Variants in HPSE2 observed in about 807,000 individuals in gnomAD.
HPSE2 encodes the protein heparanase 2 (inactive).
A neutral mutation model predicts 60.5 loss-of-function variants in HPSE2; 38 were observed. The ratio of observed to expected loss-of-function variants is 0.63; its 90% confidence interval spans 0.48 to 0.82. The LOEUF (loss-of-function observed/expected upper bound fraction) is 0.82, where lower values mean the gene tolerates loss of function less well. Among genes scored for constraint, HPSE2 ranks in the 40% least tolerant of loss-of-function variants. HPSE2 has a pLI of 0.00. For synonymous variants in HPSE2, 295 were observed against 293.2 expected, an observed-to-expected ratio of 1.01 and a Z score of -0.06; for missense variants, 713 against 740.4, an observed-to-expected ratio of 0.96 and a Z score of 0.43.
chr10:98,932,411 G>T (rs1373758638), intron 3 of HPSE2, among the ~76,000 whole-genome samples: 1 of 144,062 alleles, frequency 6.9e-6, no homozygotes, highest in Admixed American at 6.9e-5. Flanking sequence ...GTTCATCAAG[G>T]ATATTGGCCT....
At chr10:98,792,565 A>T (rs1255645710) in intron 3 of HPSE2, among the ~76,000 whole-genome samples, 3 of 151,676 alleles carry the variant, frequency 2.0e-5, no homozygotes, top group Non-Finnish European at 2.9e-5. Context: ...TGAAAACATC[A>T]TGTCTGCAAA....
intron 3 of HPSE2, among the ~76,000 whole-genome samples, chr10:98,849,834 T>G (rs990169944): frequency 6.6e-6 from 1 of 152,078 alleles, no homozygotes; most frequent in Non-Finnish European, 1.5e-5. Context: ...AACCTCCGCC[T>G]CCCAGGTTCA....
the HPSE2 span, among the ~76,000 whole-genome samples, chr10:99,305,723 A>G: frequency 6.6e-6 from 1 of 152,084 alleles, no homozygotes; most frequent in African/African-American, 2.4e-5. Context: ...TAAAATACCT[A>G]TGACTTATAT....
At chr10:99,012,431 C>CG (rs1273682359) in intron 3 of HPSE2, among the ~76,000 whole-genome samples, 59 of 146,510 alleles carry the variant, frequency 4.0e-4, no homozygotes, top group Admixed American at 1.1e-3. Context: ...TTTCCTTTTC[C>CG]TTTTTTTTTT....
chr10:99,152,969 C>A (rs1405598162), intron 2 of HPSE2, among the ~76,000 whole-genome samples: 1 of 152,218 alleles, frequency 6.6e-6, no homozygotes, highest in Non-Finnish European at 1.5e-5. Context: ...GTTCCCTTTC[C>A]GAGTCAAAGA....
At chr10:98,734,251 A>G (rs928759428) in intron 4 of HPSE2, among the ~76,000 whole-genome samples, 3 of 152,288 alleles carry the variant, frequency 2.0e-5, no homozygotes, top group African/African-American at 7.2e-5. Context: ...CAAGTCATCA[A>G]TTGATGGTCA....
upstream of HPSE2, among the ~76,000 whole-genome samples, chr10:99,238,272 A>G (rs1326909467): frequency 2.6e-5 from 4 of 152,204 alleles, no homozygotes; most frequent in Admixed American, 2.0e-4. Flanking sequence ...GATGTCTATA[A>G]TTAATACCTT....
chr10:98,604,027 C>A (rs1443280336), intron 9 of HPSE2, among the ~76,000 whole-genome samples: 3 of 152,134 alleles, frequency 2.0e-5, no homozygotes, highest in African/African-American at 7.2e-5. Context: ...TCCTCTCCCC[C>A]CATACCTTAC....
At chr10:98,525,698 G>C (rs1942945451) in intron 9 of HPSE2, among the ~76,000 whole-genome samples, 2 of 152,172 alleles carry the variant, frequency 1.3e-5, no homozygotes, top group Non-Finnish European at 2.9e-5. Context: ...GGTGGCCTTT[G>C]GATCTCGCAA....
At chr10:99,092,730 A>G (rs1169409466) in intron 3 of HPSE2, among the ~76,000 whole-genome samples, 1 of 152,174 alleles carries the variant, frequency 6.6e-6, no homozygotes, top group African/African-American at 2.4e-5. Flanking sequence ...CATTTTCTTA[A>G]TACATAATTG....
chr10:98,631,942 AACTG>A (rs1445633537), intron 7 of HPSE2, among the ~76,000 whole-genome samples: 2 of 152,208 alleles, frequency 1.3e-5, no homozygotes, highest in African/African-American at 4.8e-5. Flanking sequence ...CTAGATTATT[AACTG>A]ACTGTGGGGT....
At chr10:98,471,665 T>G (rs897328529) in intron 11 of HPSE2, among the ~76,000 whole-genome samples, 3 of 152,106 alleles carry the variant, frequency 2.0e-5, no homozygotes, top group Non-Finnish European at 4.4e-5. Flanking sequence ...CCCTCCCGCT[T>G]GTACCTTGGT....
intron 2 of HPSE2, among the ~76,000 whole-genome samples, chr10:99,202,954 T>C (rs573539931): frequency 6.6e-6 from 1 of 152,204 alleles, no homozygotes; most frequent in South Asian, 2.1e-4. Flanking sequence ...AAGTGAGCAA[T>C]CCGACTTTGC....
rs72831961 is a variant in HPSE2 at position 98,642,199 on chromosome 10, T to C, written c.1005-259A>G. Among the ~76,000 whole-genome samples the C allele has an allele frequency of 0.035, 5,392 of 152,318 alleles. 251 individuals are homozygous for C. The highest frequency in any genetic ancestry group is 0.1 in the African/African-American group (4,217 of 41,552). On this transcript the variant is annotated intron_variant, in intron 6 of 11. Transcript: ENST00000370552. ...ACGTGAAACCCCATTGCTTACTTGCTGGAATTGATGGAAATTCCATAATAC... is the reference window on the plus strand; with the variant it reads ...ACGTGAAACCCCATTGCTTACTTGCCGGAATTGATGGAAATTCCATAATAC...
chr10:99,166,310 T>C (rs1197849285), intron 2 of HPSE2, among the ~76,000 whole-genome samples: 1 of 152,214 alleles, frequency 6.6e-6, no homozygotes, highest in African/African-American at 2.4e-5. Flanking sequence ...TCAGTTGACT[T>C]GAGTAAATTC....
intron 2 of HPSE2, among the ~76,000 whole-genome samples, chr10:99,145,394 T>G (rs1846015413): frequency 6.6e-6 from 1 of 151,706 alleles, no homozygotes. Context: ...AGGTGGAGGT[T>G]GCAGTGAGCC....
At chr10:99,083,396 C>T (rs915621123) in intron 3 of HPSE2, among the ~76,000 whole-genome samples, 4 of 152,136 alleles carry the variant, frequency 2.6e-5, no homozygotes, top group African/African-American at 9.7e-5. Context: ...ACTAGATAAC[C>T]TCAAGGTCAC....
chr10:98,482,913 A>T, intron 10 of HPSE2, 131 bp from the exon 11 acceptor site: 1 of 870,228 alleles, frequency 1.1e-6, no homozygotes, highest in East Asian at 2.6e-5. Context: ...GCCACCATAG[A>T]CCCTAAAAGA....
intron 9 of HPSE2, among the ~76,000 whole-genome samples, chr10:98,560,135 T>C (rs1944129897): frequency 6.6e-6 from 1 of 152,158 alleles, no homozygotes; most frequent in Non-Finnish European, 1.5e-5. Flanking sequence ...CTTTCATCCA[T>C]GTTCATCTCT....
Sources: gnomAD v4.1 joint callset for allele counts (sites outside exome capture counted in the v4.1 genomes callset) on GRCh38, gnomAD v4.1.1 for gene constraint, MANE v1.5 for transcripts, NCBI Gene and HGNC (gene_info 2026-07-23, HGNC 2026-07-21) for gene names.